The following DMBT1 variants were observed in gnomAD, a reference collection of about 807,000 sequenced individuals.
DMBT1 encodes scavenger receptor cysteine-rich domain-containing protein DMBT1.
In DMBT1, 198 loss-of-function variants were observed where a neutral mutation model predicts 252.9. The ratio of observed to expected loss-of-function variants is 0.78; its 90% CI spans 0.70 to 0.88. The LOEUF (loss-of-function observed/expected upper bound fraction) is 0.88. DMBT1 is among the 40% of genes least tolerant of loss of function. The probability of loss-of-function intolerance (pLI) is 0.00; values close to 1 mark genes in which losing one functional copy is unlikely to be tolerated. For missense variants in DMBT1, 2,432 were observed against 2,404.7 expected (o/e 1.01, Z -0.24); for synonymous variants, 990 against 942.7 (o/e 1.05, Z -0.92).
At chr10:122,585,986 T>C in intron 15 of DMBT1, 74 bp from the exon 16 acceptor site, 2 of 1,579,676 alleles carry the variant, frequency 1.3e-6, no homozygotes, top group Non-Finnish European at 1.7e-6. Context: ...AGGACGTGCC[T>C]TGAGTGTGGA....
chr10:122,634,447 TCTCTCTCTCTCTCTC>T (rs2098205311), intron 52 of DMBT1, among the ~76,000 whole-genome samples: 6 of 74,830 alleles, frequency 8.0e-5, no homozygotes, highest in East Asian at 1.1e-3. Context: ...TCTCTCTCTC[TCTCTCTCTCTCTCTC>T]TCTCTCTCTC....
At chr10:122,586,567 G>T (rs28441658) in intron 16 of DMBT1, among the ~76,000 whole-genome samples, 184 bp downstream of exon 16, 2,866 of 148,188 alleles carry the variant, frequency 0.019, 28 homozygotes, top group African/African-American at 0.065. Context: ...GGAGGTCAGA[G>T]AGGACAATGG....
In DMBT1 at chr10:122,597,328, T is replaced by G. The variant is rs533291703; in HGVS notation, c.2917+274T>G. Among the ~76,000 whole-genome samples the G allele has an allele frequency of 2.6e-5, 4 of 152,312 alleles. No individual in the cohort carries two copies. The South Asian group carries it at 8.3e-4, about 32-fold the overall frequency. On this transcript the variant is annotated intron_variant, in intron 24 of 55. Transcript: ENST00000338354. ...TAGAGGTTTAGGAAGTGACCTCATA[T>G]TTAATTAGCTTTGGCACTTTTCTAT...
intron 52 of DMBT1, among the ~76,000 whole-genome samples, chr10:122,634,393 T>TTTCA (rs2098197415): frequency 7.2e-6 from 1 of 138,712 alleles, no homozygotes. Context: ...TCTTTCTTTC[T>TTTCA]TTCTTTCTTT....
At position 122,638,628 on chromosome 10, in the gene DMBT1, A is replaced by G. The variant is rs568509278; in HGVS notation, c.6942+1316A>G. Among the ~76,000 whole-genome samples the G allele has an allele frequency of 3.3e-5, 5 of 152,212 alleles. No individual in the cohort carries two copies. The South Asian group carries it at 6.2e-4, about 19-fold the overall frequency. On this transcript the variant is annotated intron_variant, in intron 54 of 55. Coordinates refer to ENST00000338354, the MANE Select transcript of DMBT1 (RefSeq NM_001377530.1). Reference sequence around the variant, plus strand: ...AGCTAATTAACAAATTTTTTTTTGTAGAGGTGGGATCTTGCTATGTGTCCC... The same window carrying G: ...AGCTAATTAACAAATTTTTTTTTGTGGAGGTGGGATCTTGCTATGTGTCCC...
intron 1 of DMBT1, among the ~76,000 whole-genome samples, chr10:122,561,828 C>G (rs192177086): frequency 6.6e-6 from 1 of 150,824 alleles, no homozygotes; most frequent in Non-Finnish European, 1.5e-5. Context: ...CCTTTCCTCC[C>G]TCCCTCCTCC....
rs754204092 is a variant in DMBT1, at chr10:122,631,060, A to G, written c.6125A>G (p.Asp2042Gly). ...HGGTWGTVCD[D>G]SWTIQEAEVV... ...GGCACCTGGGGGACAGTTTGTGATG[A>G]CTCCTGGACCATTCAGGAAGCTGAG... The change falls in exon 49 of 56, where the codon GAC becomes GGC. Residue 2042 changes from aspartate (D) to glycine (G), a missense_variant. Coordinates refer to ENST00000338354, the MANE Select transcript of DMBT1 (RefSeq NM_001377530.1). 6.2e-7 allele frequency: 1 copy of G among 1,613,382 alleles called. No individual in the cohort carries two copies. The highest frequency in any genetic ancestry group is 8.5e-7 in the Non-Finnish European group (1 of 1,179,674).
intron 24 of DMBT1, among the ~76,000 whole-genome samples, chr10:122,597,559 GC>G (rs2097894461): frequency 6.6e-6 from 1 of 152,236 alleles, no homozygotes; most frequent in Non-Finnish European, 1.5e-5. Context: ...CCATGCTCGG[GC>G]AGGGAGAGGG....
intron 9 of DMBT1, 103 bp from the exon 10 acceptor site, chr10:122,579,475 C>T (rs2097745773): frequency 8.8e-6 from 14 of 1,585,548 alleles, no homozygotes; most frequent in Non-Finnish European, 1.2e-5. Flanking sequence ...GACTGCCTGC[C>T]TAGGTGACTT....
chr10:122,625,180 A>T, intron 44 of DMBT1, 97 bp from the exon 45 acceptor site: 5 of 1,199,104 alleles, frequency 4.2e-6, no homozygotes, highest in Non-Finnish European at 4.9e-6. Context: ...CTTGGGGAGC[A>T]TTTCTAAGTG....
chr10:122,638,341 C>T (rs75034244), intron 54 of DMBT1, among the ~76,000 whole-genome samples: 14,455 of 152,246 alleles, frequency 0.095, 762 homozygotes, highest in South Asian at 0.19. Flanking sequence ...CCGTTTGGAG[C>T]GGCCAGACAA....
At chr10:122,617,115 G>A (rs1591446855) in intron 39 of DMBT1, 113 bp from the exon 40 acceptor site, 14 of 1,246,000 alleles carry the variant, frequency 1.1e-5, no homozygotes, top group South Asian at 2.4e-5. Flanking sequence ...GCAAGTGGCA[G>A]GAACAGGAAG....
intron 28 of DMBT1, 114 bp downstream of exon 28, chr10:122,601,137 T>C: frequency 2.2e-6 from 1 of 447,106 alleles, no homozygotes; most frequent in Non-Finnish European, 3.8e-6. Flanking sequence ...CCCCTGTGGG[T>C]TGCGTGGGAG....
Position 122,590,652 on chromosome 10 carries a change from C to T in DMBT1, c.2108-13C>T. 6.3e-7 allele frequency: 1 copy of T among 1,587,806 alleles called. No homozygotes were observed. The highest frequency in any genetic ancestry group is 8.6e-7 in the Non-Finnish European group (1 of 1,165,362). On this transcript the variant is annotated splice_polypyrimidine_tract_variant and intron_variant, in intron 17 of 55. Coordinates refer to ENST00000338354, the MANE Select transcript of DMBT1 (RefSeq NM_001377530.1). ...TGTATAGTGCATCTGATCTGACCTC[C>T]TCTTTCTCACAGCTGCCCAGTCCCG...
chr10:122,622,227 G>C (rs1481987494), intron 44 of DMBT1, among the ~76,000 whole-genome samples: 1 of 152,158 alleles, frequency 6.6e-6, no homozygotes, highest in East Asian at 1.9e-4. Flanking sequence ...CATTCAGCAG[G>C]TCTGGGTGAA....
At chr10:122,576,901 G>A (rs1416155413) in intron 7 of DMBT1, among the ~76,000 whole-genome samples, 179 bp downstream of exon 7, 2 of 152,224 alleles carry the variant, frequency 1.3e-5, no homozygotes, top group Non-Finnish European at 2.9e-5. Context: ...TCTGGGGACA[G>A]ACTGTATTCA....
intron 55 of DMBT1, among the ~76,000 whole-genome samples, chr10:122,640,936 G>T (rs1012237493): frequency 6.6e-6 from 1 of 152,242 alleles, no homozygotes; most frequent in African/African-American, 2.4e-5. Context: ...TTGCTCGCCT[G>T]TCAAGTGGGG....
At chr10:122,630,021 G>A (rs1192061473) in intron 47 of DMBT1, 28 bp downstream of exon 47, 2 of 1,613,012 alleles carry the variant, frequency 1.2e-6, no homozygotes, top group Non-Finnish European at 1.7e-6. Flanking sequence ...ATCTGGTGAG[G>A]GGTGAGTTCC....
At chr10:122,578,857 G>A (rs1366471294) in intron 9 of DMBT1, 98 bp downstream of exon 9, 1 of 1,265,668 alleles carries the variant, frequency 7.9e-7, no homozygotes, top group Non-Finnish European at 1.1e-6. Flanking sequence ...AGAGAGGTGG[G>A]GAAGTGGGCT....
Sources: gnomAD v4.1 joint callset for allele counts (sites outside exome capture counted in the v4.1 genomes callset) on GRCh38, gnomAD v4.1.1 for gene constraint, MANE v1.5 for transcripts, NCBI Gene and HGNC (gene_info 2026-07-23, HGNC 2026-07-21) for gene names.